The following ADD3 variants were observed in gnomAD, a reference collection of about 807,000 sequenced individuals.
ADD3 encodes gamma-adducin.
A neutral mutation model predicts 80.2 loss-of-function variants in ADD3; 25 were observed. That is an observed-to-expected ratio of 0.31 (90% CI 0.23 to 0.44). The LOEUF (loss-of-function observed/expected upper bound fraction) is 0.44, where lower values mean the gene tolerates loss of function less well. ADD3 is among the 20% of genes least tolerant of loss of function. The pLI is 1.00. For synonymous variants in ADD3, 284 were observed against 289.6 expected, an observed-to-expected ratio of 0.98 and a Z score of 0.20; for missense variants, 829 against 847.5, an observed-to-expected ratio of 0.98 and a Z score of 0.27.
chr10:110,007,957 C>T (rs1333637744), upstream of ADD3: 1 of 151,824 alleles, frequency 6.6e-6, no homozygotes, highest in Non-Finnish European at 1.5e-5. Flanking sequence ...CCAAGGGACG[C>T]TCGAGGGGCG....
At chr10:110,074,700 A>C (rs1845186414) in intron 1 of ADD3, among the ~76,000 whole-genome samples, 1 of 152,170 alleles carries the variant, frequency 6.6e-6, no homozygotes, top group Non-Finnish European at 1.5e-5. Context: ...TTATGTACTG[A>C]AAATACAATA....
At chr10:110,004,818 C>T (rs527494578), upstream of ADD3, among the ~76,000 whole-genome samples, 1 of 151,892 alleles carries the variant, frequency 6.6e-6, no homozygotes, top group Non-Finnish European at 1.5e-5. Context: ...AAAAACATAA[C>T]TGGTAAGTGC....
upstream of ADD3, among the ~76,000 whole-genome samples, chr10:110,006,344 T>C (rs971482279): frequency 2.6e-5 from 4 of 152,186 alleles, no homozygotes; most frequent in African/African-American, 9.7e-5. Context: ...TTAGGATACT[T>C]TTTTTGCTAT....
At position 110,124,204 on chromosome 10, in the gene ADD3, A is replaced by G; in HGVS notation, c.1331A>G (p.Asn444Ser). ...REKTRWLNSPNTYMKVNVPEE... is the reference protein window; with the variant it reads ...REKTRWLNSPSTYMKVNVPEE... ...AAAACAAGATGGCTGAACTCACCAA[A>G]TACTTACATGAAAGTGAATGTGCCT... is the stretch of plus-strand genomic sequence containing the variant. Residue 444 changes from asparagine (N) to serine (S), a missense_variant, in exon 10 of 15, where the codon AAT (asparagine) becomes AGT (serine). Transcript: ENST00000356080. 6.2e-7 allele frequency: 1 copy of G among 1,614,218 alleles called. No individual in the cohort carries two copies. The highest frequency in any genetic ancestry group is 8.5e-7 in the Non-Finnish European group (1 of 1,180,026).
At chr10:110,079,461 AGTGTGTGTGT>A (rs1164637976) in intron 1 of ADD3, among the ~76,000 whole-genome samples, 110 of 97,450 alleles carry the variant, frequency 1.1e-3, no homozygotes, top group African/African-American at 1.8e-3. Context: ...AGAGAGAGAG[AGTGTGTGTGT>A]GTGTGTGTGT....
intron 12 of ADD3, among the ~76,000 whole-genome samples, chr10:110,127,478 G>A (rs548180661): frequency 8.5e-5 from 13 of 152,268 alleles, no homozygotes; most frequent in African/African-American, 1.9e-4. Context: ...TTAGCTGTGC[G>A]TGGTGGCGTG....
At chr10:110,062,081 G>A (rs1213456616) in intron 1 of ADD3, among the ~76,000 whole-genome samples, 1 of 151,538 alleles carries the variant, frequency 6.6e-6, no homozygotes, top group African/African-American at 2.4e-5. Context: ...AAAATATCGA[G>A]GCCAGGTGCA....
chr10:109,996,736 C>T (rs1457495779), intron 1 of ADD3, among the ~76,000 whole-genome samples: 1 of 152,164 alleles, frequency 6.6e-6, no homozygotes, highest in African/African-American at 2.4e-5. Flanking sequence ...TCTGGGAGGG[C>T]TTAGTAGAAA....
At chr10:110,011,473 A>C (rs760854110) in intron 1 of ADD3, among the ~76,000 whole-genome samples, 3 of 152,214 alleles carry the variant, frequency 2.0e-5, no homozygotes. Context: ...GTGCAATGTA[A>C]TGTTAGGAAA....
intron 2 of ADD3, among the ~76,000 whole-genome samples, chr10:110,109,885 A>G (rs1849795737): frequency 6.8e-6 from 1 of 146,834 alleles, no homozygotes; most frequent in Non-Finnish European, 1.5e-5. Context: ...TTGGATGAAC[A>G]AGAAAACTCC....
chr10:110,058,610 A>G (rs1858499288), intron 1 of ADD3, among the ~76,000 whole-genome samples: 1 of 152,230 alleles, frequency 6.6e-6, no homozygotes, highest in African/African-American at 2.4e-5. Flanking sequence ...AAATCAAGAC[A>G]TTGAAAGGAG....
chr10:110,066,519 C>T (rs1276596158), intron 1 of ADD3, among the ~76,000 whole-genome samples: 1 of 152,166 alleles, frequency 6.6e-6, no homozygotes, highest in Non-Finnish European at 1.5e-5. Context: ...AGGTGTGAGC[C>T]ACCGTGCCTG....
chr10:110,020,248 C>T (rs1231006695), intron 1 of ADD3, among the ~76,000 whole-genome samples: 1 of 152,074 alleles, frequency 6.6e-6, no homozygotes, highest in Non-Finnish European at 1.5e-5. Flanking sequence ...GAGAATTTGG[C>T]AGTAAGCAAA....
rs1342161488 is a variant in ADD3 at position 110,135,490 on chromosome 10, T to C, written c.*1872T>C. The C allele has an allele frequency of 6.6e-6, 1 of 152,610 alleles. No homozygotes were observed. The highest frequency in any genetic ancestry group is 2.4e-5 in the African/African-American group (1 of 41,444). 9.5% of individuals were successfully genotyped at this position (152,610 alleles called of 1,614,324 possible). ...CCTCTGTGTCCTGTGGAAAAATGTATAAATGTTATCTGATATTGCTCTTAG... is the reference window on the plus strand; with the variant it reads ...CCTCTGTGTCCTGTGGAAAAATGTACAAATGTTATCTGATATTGCTCTTAG... On this transcript the variant is annotated 3_prime_UTR_variant, in exon 15 of 15. Coordinates refer to ENST00000356080, the MANE Select transcript of ADD3 (RefSeq NM_016824.5).
At position 110,116,288 on chromosome 10, in the gene ADD3, C is replaced by T. The variant is rs1462803964; in HGVS notation, c.364C>T (p.Leu122Phe). Residue 122 changes from leucine to phenylalanine, a missense_variant, in exon 4 of 15, where the codon CTT (leucine) becomes TTT (phenylalanine). By Grantham distance (22) the Leu-to-Phe change is conservative (BLOSUM62 0). Transcript: ENST00000356080. ...SLGMVTPIND[L>F]PGADTSSYVK... ...TGGCATGGTCACACCTATCAATGAC[C>T]TTCCTGGTGCAGATACATCCTCATA... The T allele has an allele frequency of 1.2e-6, 2 of 1,614,114 alleles. No homozygotes were observed. The highest frequency in any genetic ancestry group is 2.2e-5 in the East Asian group (1 of 44,878).
At chr10:110,102,787 A>C (rs566540882) in intron 2 of ADD3, among the ~76,000 whole-genome samples, 2 of 152,320 alleles carry the variant, frequency 1.3e-5, no homozygotes, top group African/African-American at 4.8e-5. Context: ...AAAAATTACT[A>C]AACTCCATTT....
At chr10:109,999,348 C>G (rs1287195523) in intron 1 of ADD3, among the ~76,000 whole-genome samples, 1 of 152,196 alleles carries the variant, frequency 6.6e-6, no homozygotes, top group African/African-American at 2.4e-5. Context: ...TCTCAGAAAG[C>G]TCACATGCAT....
chr10:110,002,367 G>A (rs1003566705), upstream of ADD3, among the ~76,000 whole-genome samples: 6 of 151,834 alleles, frequency 4.0e-5, no homozygotes, highest in African/African-American at 1.2e-4. Flanking sequence ...TCTGCCTCCC[G>A]GGTTCACGCC....
intron 1 of ADD3, among the ~76,000 whole-genome samples, chr10:110,050,504 C>A (rs993700615): frequency 1.4e-5 from 2 of 139,706 alleles, no homozygotes; most frequent in African/African-American, 6.3e-5. Context: ...TCCATTAAAC[C>A]TCTTTTTTTT....
Sources: gnomAD v4.1 joint callset for allele counts (sites outside exome capture counted in the v4.1 genomes callset) on GRCh38, gnomAD v4.1.1 for gene constraint, MANE v1.5 for transcripts, NCBI Gene and HGNC (gene_info 2026-07-23, HGNC 2026-07-21) for gene names.